Variants in IQCH observed in about 807,000 individuals in gnomAD.
IQCH encodes the protein IQ motif containing H, also known as IQ domain-containing protein H.
A neutral mutation model predicts 117.0 loss-of-function variants in IQCH; 98 were observed. That is an observed-to-expected ratio of 0.84 (90% CI 0.71 to 0.99). The LOEUF is 0.99. Among genes scored for constraint, IQCH ranks in the 50% least tolerant of loss-of-function variants. IQCH has a pLI of 0.00. For missense variants in IQCH, 1,102 were observed against 1,243.8 expected, an observed-to-expected ratio of 0.89 and a Z score of 1.72; for synonymous variants, 412 against 448.2, an observed-to-expected ratio of 0.92 and a Z score of 1.02.
chr15:67,419,052 C>A (rs1480868779), intron 15 of IQCH, among the ~76,000 whole-genome samples: 3 of 152,192 alleles, frequency 2.0e-5, no homozygotes, highest in Non-Finnish European at 4.4e-5. Flanking sequence ...CAGCGACTGT[C>A]TCATCTGAGC....
chr15:67,267,608 C>T (rs543572543), intron 3 of IQCH, among the ~76,000 whole-genome samples: 116 of 152,316 alleles, frequency 7.6e-4, no homozygotes, highest in Non-Finnish European at 1.5e-3. Flanking sequence ...ACTGCCAATG[C>T]CTGCTCAAAC....
intron 8 of IQCH, chr15:67,371,639 T>C: frequency 1.4e-6 from 1 of 700,620 alleles, no homozygotes; most frequent in Admixed American, 2.8e-5. Flanking sequence ...TTTTATGAAG[T>C]CAGAAACAAT....
At position 67,337,543 on chromosome 15, in the gene IQCH, G is replaced by T. The variant is rs1006646605; in HGVS notation, c.508+448G>T. 3.9e-5 allele frequency among the ~76,000 whole-genome samples: 6 copies of T among 152,162 alleles called. No individual in the cohort carries two copies. In the South Asian group the frequency reaches 1.0e-3, roughly 26 times the overall value. On this transcript the variant is annotated intron_variant, in intron 5 of 20. Coordinates refer to ENST00000335894, the MANE Select transcript of IQCH (RefSeq NM_001031715.3). ...ATGTTTTAGTCTAAACTCTAGTCTT[G>T]TGAAACCAGTGGATTTTGTTTTTAA...
At chr15:67,477,390 G>A (rs541196961) in intron 18 of IQCH, among the ~76,000 whole-genome samples, 4 of 152,196 alleles carry the variant, frequency 2.6e-5, no homozygotes, top group African/African-American at 7.2e-5. Flanking sequence ...CCTTCAGCAC[G>A]AGGCCAAATG....
chr15:67,499,175 T>C (rs2083909007), intron 20 of IQCH, among the ~76,000 whole-genome samples: 2 of 151,886 alleles, frequency 1.3e-5, no homozygotes, highest in South Asian at 4.2e-4. Flanking sequence ...GGCACACACC[T>C]GTAGTTCTAG....
intron 5 of IQCH, among the ~76,000 whole-genome samples, chr15:67,341,229 GAA>G (rs1969159160): frequency 6.6e-6 from 1 of 151,834 alleles, no homozygotes. Context: ...AAGAAAGAAA[GAA>G]AAAGAGAGAG....
rs1345796180 is a variant in IQCH, at chr15:67,376,262, GAT to G, written c.1372+2830_1372+2831del. 2.0e-5 allele frequency among the ~76,000 whole-genome samples: 3 copies of G among 152,168 alleles called. No homozygotes were observed. The highest frequency in any genetic ancestry group is 1.3e-4 in the Admixed American group (2 of 15,276). On this transcript the variant is annotated intron_variant, in intron 10 of 20. Coordinates refer to ENST00000335894, the MANE Select transcript of IQCH (RefSeq NM_001031715.3). This position sits in a 1 kb window ranked among gnomAD's most constrained non-coding sequence, Gnocchi z 5.0. ...GAGTCCTTAAAGAAGATTTCAGCTA[GAT>G]GCCACAAACTTCTTTGTCTCATGCA...
intron 10 of IQCH, among the ~76,000 whole-genome samples, chr15:67,377,206 T>C (rs1970770383): frequency 6.6e-6 from 1 of 151,870 alleles, no homozygotes. Flanking sequence ...TATTCCTAGA[T>C]ATAACAAAAA....
Position 67,404,680 on chromosome 15 carries a change from T to C in IQCH, c.2097+4375T>C, listed in dbSNP as rs1971815145. 6.6e-6 allele frequency: 1 copy of C among 152,228 alleles called. No homozygotes were observed. The highest frequency in any genetic ancestry group is 2.4e-5 in the African/African-American group (1 of 41,460). The allele number at this position is 152,228 out of a possible 1,614,324, so 9.4% of individuals were successfully genotyped here. ...CTTAAATATTTTCCATGTTTATACATAGTCGTCACAATTATTAGATGCATA... is the reference window on the plus strand; with the variant it reads ...CTTAAATATTTTCCATGTTTATACACAGTCGTCACAATTATTAGATGCATA... On this transcript the variant is annotated intron_variant, in intron 14 of 20. Transcript: ENST00000335894. The surrounding 1 kb of genome is among the most constrained non-coding windows in gnomAD (Gnocchi z 4.6).
chr15:67,439,888 CAAAAAAA>C (rs201813482), intron 16 of IQCH, among the ~76,000 whole-genome samples: 2 of 83,968 alleles, frequency 2.4e-5, no homozygotes, highest in African/African-American at 3.8e-5. Flanking sequence ...AACTCCGTCT[CAAAAAAA>C]AAAAAAAAAA....
In IQCH at chr15:67,416,307, C is replaced by G. The variant is rs192402721; in HGVS notation, c.2098-624C>G. ...CCGAGGCGGGCGGATCACCTGAGGT[C>G]GGGAGTTTGAGACCAGCCTGACCAA... On this transcript the variant is annotated intron_variant, in intron 14 of 20. Transcript: ENST00000335894. The surrounding 1 kb of genome is among the most constrained non-coding windows in gnomAD (Gnocchi z 5.1). Among the ~76,000 whole-genome samples, 492 of 152,028 alleles carry G rather than the reference C, an allele frequency of 3.2e-3. 24 individuals are homozygous for G. The East Asian group carries it at 0.081, about 25-fold the overall frequency.
intron 13 of IQCH, among the ~76,000 whole-genome samples, chr15:67,396,201 G>A (rs1190593883): frequency 6.6e-6 from 1 of 152,062 alleles, no homozygotes; most frequent in Non-Finnish European, 1.5e-5. Context: ...GTCAGTTTTC[G>A]CTAAAAGCAG....
chr15:67,438,976 A>C (rs979611443), intron 16 of IQCH, among the ~76,000 whole-genome samples: 3 of 152,238 alleles, frequency 2.0e-5, no homozygotes, highest in Non-Finnish European at 4.4e-5. Flanking sequence ...TCAATACTCC[A>C]CTGACACCAC....
rs962401820 is a variant in IQCH at position 67,479,503 on chromosome 15, TCCC to T, written c.2799+3687_2799+3689del. 6.6e-6 allele frequency among the ~76,000 whole-genome samples: 1 copy of T among 152,162 alleles called. No individual in the cohort carries two copies. Among genetic ancestry groups the T allele is most frequent in the African/African-American group, 2.4e-5 (1 of 41,426 alleles). ...AATTCTGGAATCCATTTCCAATATA[TCCC>T]CTCTAGGTACCTCTTATGTATTCTT... is the stretch of plus-strand genomic sequence containing the variant. On this transcript the variant is annotated intron_variant, in intron 18 of 20. Coordinates refer to ENST00000335894, the MANE Select transcript of IQCH (RefSeq NM_001031715.3). The surrounding 1 kb of genome is among the most constrained non-coding windows in gnomAD (Gnocchi z 4.6).
chr15:67,323,239 A>ATTT lies in IQCH; in HGVS notation c.388-13717_388-13715dup, dbSNP rs578260011. Among the ~76,000 whole-genome samples, 98 of 98,900 alleles carry ATTT rather than the reference A, an allele frequency of 9.9e-4. 1 individual carries two copies. Among genetic ancestry groups the ATTT allele is most frequent in the African/African-American group, 1.4e-3 (35 of 25,106 alleles). 64.9% of individuals were successfully genotyped at this position (98,900 alleles called of 152,430 possible). Reference sequence around the variant, plus strand: ...TCTTTGTTTTCTGACTTAGGGTTACATTTTTTTTTTTTTTTTTTTTTGAGA... The same window carrying ATTT: ...TCTTTGTTTTCTGACTTAGGGTTACATTTTTTTTTTTTTTTTTTTTTTTTGAGA... On this transcript the variant is annotated intron_variant, in intron 4 of 20. Transcript: ENST00000335894.
Position 67,376,370 on chromosome 15 carries a change from A to G in IQCH, c.1372+2937A>G, listed in dbSNP as rs1201629783. ...TTTTTTCTCTAAATGTACTGGAAGA[A>G]AACTAATCTATTCAATCTAGTAATT... On this transcript the variant is annotated intron_variant, in intron 10 of 20. Transcript: ENST00000335894. The surrounding 1 kb of genome is among the most constrained non-coding windows in gnomAD (Gnocchi z 5.0). Among the ~76,000 whole-genome samples, 4 of 152,250 alleles carry G rather than the reference A, an allele frequency of 2.6e-5. No individual in the cohort carries two copies. The highest frequency in any genetic ancestry group is 7.2e-5 in the African/African-American group (3 of 41,458).
intron 16 of IQCH, among the ~76,000 whole-genome samples, chr15:67,428,608 T>C (rs887136461): frequency 6.6e-6 from 1 of 152,076 alleles, no homozygotes; most frequent in Admixed American, 6.5e-5. Flanking sequence ...CCCAACACTT[T>C]GGGAGACCGA....
chr15:67,257,686 G>A (rs1965279513), intron 1 of IQCH, among the ~76,000 whole-genome samples: 1 of 152,194 alleles, frequency 6.6e-6, no homozygotes. Flanking sequence ...TCATTAAAAT[G>A]TGGTATATTC....
intron 20 of IQCH, among the ~76,000 whole-genome samples, chr15:67,497,495 A>T (rs577150445): frequency 7.3e-5 from 11 of 151,544 alleles, no homozygotes; most frequent in African/African-American, 1.7e-4. Context: ...CTTAAGAATA[A>T]TTTTTTTTTC....
Sources: gnomAD v4.1 joint callset for allele counts (sites outside exome capture counted in the v4.1 genomes callset) on GRCh38, gnomAD v4.1.1 for gene constraint, Gnocchi (gnomAD v3.1) non-coding constraint, MANE v1.5 for transcripts, NCBI Gene and HGNC (gene_info 2026-07-23, HGNC 2026-07-21) for gene names.